Variants in SLC47A1 observed in about 807,000 individuals in gnomAD.
The protein encoded by SLC47A1 is multidrug and toxin extrusion protein 1.
Under a neutral mutation model 65.8 loss-of-function variants are expected in SLC47A1, and 58 were observed. That is an observed-to-expected ratio of 0.88 (90% CI 0.71 to 1.10). The LOEUF (loss-of-function observed/expected upper bound fraction) is 1.10. Among genes scored for constraint, SLC47A1 ranks in the 50% least tolerant of loss-of-function variants. SLC47A1 has a pLI of 0.00. For missense variants in SLC47A1, 706 were observed against 719.2 expected (o/e 0.98, Z 0.21); for synonymous variants, 285 against 295.0 (o/e 0.97, Z 0.35).
chr17:19,572,637 G>A, intron 15 of SLC47A1, 143 bp from the exon 16 acceptor site: 1 of 720,870 alleles, frequency 1.4e-6, no homozygotes, highest in South Asian at 1.7e-5. Flanking sequence ...CAATCTTTAT[G>A]AAAGATGACC....
At chr17:19,549,794 G>C in intron 5 of SLC47A1, 117 bp downstream of exon 5, 1 of 1,128,700 alleles carries the variant, frequency 8.9e-7, no homozygotes, top group South Asian at 1.3e-5. Context: ...CTGTGGTGTT[G>C]GTGCCTTCAA....
chr17:19,542,056 C>T (rs531094956), intron 1 of SLC47A1, among the ~76,000 whole-genome samples: 10 of 152,120 alleles, frequency 6.6e-5, no homozygotes, highest in East Asian at 1.9e-4. Flanking sequence ...ACCTGGGAGG[C>T]GGAGGTTGCA....
chr17:19,567,029 T>C, intron 13 of SLC47A1, 67 bp from the exon 14 acceptor site: 1 of 1,611,146 alleles, frequency 6.2e-7, no homozygotes, highest in Non-Finnish European at 8.5e-7. Flanking sequence ...TATGAAGTGC[T>C]CGGGAGATGG....
At position 19,577,261 on chromosome 17, in the gene SLC47A1, C is replaced by T. The variant is rs556698350; in HGVS notation, c.1487-66C>T. 7.6e-6 allele frequency: 12 copies of T among 1,580,992 alleles called. 1 individual carries two copies. The South Asian group carries it at 1.4e-4, about 18-fold the overall frequency. ...ACTATTAGCACATATTCCTTTTATACATAGCCCTTTATAAAAATGAAAAAA... is the reference window on the plus strand; with the variant it reads ...ACTATTAGCACATATTCCTTTTATATATAGCCCTTTATAAAAATGAAAAAA... On this transcript the variant is annotated intron_variant, in intron 16 of 16. Coordinates refer to ENST00000270570, the MANE Select transcript of SLC47A1 (RefSeq NM_018242.3).
chr17:19,548,516 T>C (rs553339089), intron 4 of SLC47A1, among the ~76,000 whole-genome samples: 3,313 of 132,700 alleles, frequency 0.025, 129 homozygotes, highest in South Asian at 0.096. Flanking sequence ...TTTTTTTTTT[T>C]TGAGACCAAG....
chr17:19,560,702 A>G (rs999233436), intron 12 of SLC47A1, among the ~76,000 whole-genome samples: 1 of 151,960 alleles, frequency 6.6e-6, no homozygotes, highest in Admixed American at 6.6e-5. Context: ...AACATGGTGA[A>G]ACCCTATCTC....
chr17:19,541,426 T>G (rs753392959), intron 1 of SLC47A1, among the ~76,000 whole-genome samples: 3 of 152,128 alleles, frequency 2.0e-5, no homozygotes, highest in Non-Finnish European at 4.4e-5. Context: ...GGAGGTGATT[T>G]TAAGTTAACC....
chr17:19,567,571 A>G, intron 14 of SLC47A1: 1 of 299,210 alleles, frequency 3.3e-6, no homozygotes, highest in Non-Finnish European at 6.4e-6. Context: ...AAGCATTTGG[A>G]AGCATCCCCT....
chr17:19,566,826 T>C lies in SLC47A1; in HGVS notation c.1143T>C (p.Ile381=). ...ATCTGGTGGCTCAGGTGGTTCCAATTTATGCTGTTTCCCACCTCTTTGAAG... is the reference window on the plus strand; with the variant it reads ...ATCTGGTGGCTCAGGTGGTTCCAATCTATGCTGTTTCCCACCTCTTTGAAG... The part of the protein sequence containing the change: ...IINLVAQVVP[I]YAVSHLFEAL... The change falls in exon 13 of 17, where the codon ATT becomes ATC. Residue 381 remains isoleucine, a synonymous_variant. Transcript: ENST00000270570. 6.2e-7 allele frequency: 1 copy of C among 1,614,234 alleles called. No homozygotes were observed. The highest frequency in any genetic ancestry group is 8.5e-7 in the Non-Finnish European group (1 of 1,180,042).
chr17:19,558,114 T>C (rs1885999869), intron 10 of SLC47A1, among the ~76,000 whole-genome samples: 1 of 152,196 alleles, frequency 6.6e-6, no homozygotes, highest in Non-Finnish European at 1.5e-5. Flanking sequence ...ACTATATCAA[T>C]ACAGTCAATT....
At chr17:19,551,618 T>G (rs1916449773) in intron 6 of SLC47A1, 150 bp downstream of exon 6, 1 of 703,570 alleles carries the variant, frequency 1.4e-6, no homozygotes, top group Non-Finnish European at 2.5e-6. Context: ...TTCAGTGTTG[T>G]GCACACAGAA....
Position 19,555,791 on chromosome 17 carries a change from C to G in SLC47A1, c.740-5C>G, listed in dbSNP as rs201893072. On this transcript the variant is annotated splice_polypyrimidine_tract_variant and splice_region_variant and intron_variant, in intron 8 of 16. Coordinates refer to ENST00000270570, the MANE Select transcript of SLC47A1 (RefSeq NM_018242.3). ...CTCCTGGAAATGTGTGTGTCCCCCCCACAGGCTGGTCCCTCGAGTGCCTGC... is the reference window on the plus strand; with the variant it reads ...CTCCTGGAAATGTGTGTGTCCCCCCGACAGGCTGGTCCCTCGAGTGCCTGC... 7.3e-4 allele frequency: 1,176 copies of G among 1,613,496 alleles called. 23 individuals carry two copies. The East Asian group carries it at 9.9e-3, about 14-fold the overall frequency.
At chr17:19,563,420 C>T (rs1021542384) in intron 12 of SLC47A1, among the ~76,000 whole-genome samples, 1 of 151,894 alleles carries the variant, frequency 6.6e-6, no homozygotes, top group Admixed American at 6.6e-5. Context: ...CCATAAGCCA[C>T]CACGCCCGGC....
chr17:19,537,850 C>T (rs1483966239), intron 1 of SLC47A1, among the ~76,000 whole-genome samples: 1 of 152,206 alleles, frequency 6.6e-6, no homozygotes, highest in African/African-American at 2.4e-5. Flanking sequence ...CCTTTCAGTG[C>T]CTCAGCCTGG....
At chr17:19,546,734 G>C (rs1360623382) in intron 3 of SLC47A1, among the ~76,000 whole-genome samples, 1 of 152,056 alleles carries the variant, frequency 6.6e-6, no homozygotes, top group Non-Finnish European at 1.5e-5. Context: ...GATCAAATAG[G>C]GGACATTTTG....
intron 6 of SLC47A1, among the ~76,000 whole-genome samples, chr17:19,554,087 C>T (rs1916533937): frequency 6.6e-6 from 1 of 152,040 alleles, no homozygotes; most frequent in South Asian, 2.1e-4. Context: ...TGTTTATTGG[C>T]CTGTCGCAGT....
intron 16 of SLC47A1, among the ~76,000 whole-genome samples, chr17:19,574,669 C>T (rs944269396): frequency 6.6e-6 from 1 of 152,032 alleles, no homozygotes; most frequent in East Asian, 1.9e-4. Context: ...CTCACTCTGT[C>T]GCCCAGGCTG....
intron 5 of SLC47A1, among the ~76,000 whole-genome samples, chr17:19,550,005 C>A (rs962661721): frequency 6.6e-6 from 1 of 152,178 alleles, no homozygotes; most frequent in Non-Finnish European, 1.5e-5. Flanking sequence ...TCACTTAGAA[C>A]CTTTAGACTT....
intron 1 of SLC47A1, 140 bp downstream of exon 1, chr17:19,534,214 A>C: frequency 8.6e-7 from 1 of 1,164,626 alleles, no homozygotes; most frequent in Non-Finnish European, 1.1e-6. Context: ...TCGTGCCAGG[A>C]GCCGGGCGGG....
Sources: gnomAD v4.1 joint callset for allele counts (sites outside exome capture counted in the v4.1 genomes callset) on GRCh38, gnomAD v4.1.1 for gene constraint, MANE v1.5 for transcripts, NCBI Gene and HGNC (gene_info 2026-07-23, HGNC 2026-07-21) for gene names.